Variants in FAN1 observed in about 807,000 individuals in gnomAD.
FAN1 encodes FANCD2 and FANCI associated nuclease 1, also known as fanconi-associated nuclease 1.
A neutral mutation model predicts 104.9 loss-of-function variants in FAN1; 91 were observed. The ratio of observed to expected loss-of-function variants is 0.87; its 90% CI spans 0.73 to 1.03. The LOEUF is 1.03. FAN1 is among the 50% of genes least tolerant of loss of function. The pLI is 0.00. For synonymous variants in FAN1, 478 were observed against 457.6 expected (o/e 1.04, Z -0.57); for missense variants, 1,263 against 1,239.9 (o/e 1.02, Z -0.28).
At chr15:30,931,368 G>A (rs1368812332) in intron 13 of FAN1, among the ~76,000 whole-genome samples, 4 of 152,158 alleles carry the variant, frequency 2.6e-5, no homozygotes, top group Non-Finnish European at 5.9e-5. Context: ...TTTCATCCCA[G>A]TCTATGGCTT....
chr15:30,916,351 G>A (rs1406422912), intron 5 of FAN1, among the ~76,000 whole-genome samples: 1 of 152,066 alleles, frequency 6.6e-6, no homozygotes. Context: ...GGGTGCATGG[G>A]AAGTGCTTAA....
chr15:30,940,480 G>A (rs775898041), intron 14 of FAN1: 35 of 985,270 alleles, frequency 3.6e-5, no homozygotes, highest in South Asian at 9.4e-5. Context: ...TGCCCAACTC[G>A]TAACCTCATT....
chr15:30,940,505 G>T (rs147933228), intron 14 of FAN1: 1 of 985,418 alleles, frequency 1.0e-6, no homozygotes, highest in African/African-American at 1.7e-5. Context: ...ATTTCCAGGG[G>T]GAAGTGCCAG....
chr15:30,940,076 T>C (rs1379251099), intron 14 of FAN1: 1 of 982,852 alleles, frequency 1.0e-6, no homozygotes, highest in Non-Finnish European at 1.2e-6. Context: ...GAAAAGGAAA[T>C]AAGCTAACTA....
In FAN1 at chr15:30,913,284, G is replaced by T. The variant is rs59646973; in HGVS notation, c.1578-574G>T. Reference sequence around the variant, plus strand: ...ATCTATTGCCTGATGATATGAAGTGGAACAGTTTCATCCCGAAACACCTCC... The same window carrying T: ...ATCTATTGCCTGATGATATGAAGTGTAACAGTTTCATCCCGAAACACCTCC... On this transcript the variant is annotated intron_variant, in intron 4 of 14. Coordinates refer to ENST00000362065, the MANE Select transcript of FAN1 (RefSeq NM_014967.5). Among the ~76,000 whole-genome samples, 147 of 152,236 alleles carry T rather than the reference G, an allele frequency of 9.7e-4. 3 individuals are homozygous for T. The East Asian group carries it at 0.028, about 29-fold the overall frequency.
chr15:30,936,406 A>G (rs1256163597), intron 13 of FAN1, among the ~76,000 whole-genome samples: 2 of 107,932 alleles, frequency 1.9e-5, no homozygotes, highest in African/African-American at 1.1e-4. Flanking sequence ...TCATGGCAAG[A>G]AGGTTAGATT....
At position 30,922,222 on chromosome 15, in the gene FAN1, A is replaced by G. The variant is rs2062350847; in HGVS notation, c.2053-13A>G. The G allele has an allele frequency of 1.3e-6, 2 of 1,596,270 alleles. No individual in the cohort carries two copies. The highest frequency in any genetic ancestry group is 1.1e-5 in the South Asian group (1 of 88,252). On this transcript the variant is annotated splice_polypyrimidine_tract_variant and intron_variant, in intron 7 of 14. Transcript: ENST00000362065. Reference sequence around the variant, plus strand: ...GTGAATCTAATGAGGTTTCTTTGTTATTGTTGCAATAGGAAGCCGTCAGAG... The same window carrying G: ...GTGAATCTAATGAGGTTTCTTTGTTGTTGTTGCAATAGGAAGCCGTCAGAG...
intron 12 of FAN1, among the ~76,000 whole-genome samples, chr15:30,929,879 T>A (rs1325410544): frequency 2.2e-5 from 2 of 92,602 alleles, no homozygotes; most frequent in African/African-American, 4.7e-5. Flanking sequence ...ATAAAATATA[T>A]AATATATATC....
rs1410848371 is a variant in FAN1, at chr15:30,930,682, GC to G, written c.2916+12del. The stretch of plus-strand genomic sequence containing the variant: ...AGCCGTCACTTTAAGGTCAGTTGAG[GC>G]AGAATGGAAAGTCCTGTTGGTAACC... On this transcript the variant is annotated intron_variant, in intron 13 of 14. Coordinates refer to ENST00000362065, the MANE Select transcript of FAN1 (RefSeq NM_014967.5). 1 of 1,612,382 alleles carries G rather than the reference GC, an allele frequency of 6.2e-7. No homozygotes were observed.
intron 9 of FAN1, among the ~76,000 whole-genome samples, 185 bp from the exon 10 acceptor site, chr15:30,925,604 C>G (rs568778216): frequency 2.6e-5 from 4 of 152,358 alleles, no homozygotes; most frequent in Admixed American, 2.6e-4. Flanking sequence ...GGTTGAGGCT[C>G]TCCCAGGGCC....
At chr15:30,908,087 A>AT (rs771893997) in intron 2 of FAN1, 31 bp from the exon 3 acceptor site, 317 of 1,574,338 alleles carry the variant, frequency 2.0e-4, no homozygotes, top group Non-Finnish European at 2.6e-4. Flanking sequence ...AAATGCAGTG[A>AT]TTTTCAACAT....
At chr15:30,916,147 CCT>C (rs1468733883) in intron 5 of FAN1, among the ~76,000 whole-genome samples, 1 of 152,026 alleles carries the variant, frequency 6.6e-6, no homozygotes, top group East Asian at 1.9e-4. Flanking sequence ...TTATTCTTAC[CCT>C]GTTTTCAGTT....
At chr15:30,940,168 C>T (rs893931424) in intron 14 of FAN1, 9 of 985,230 alleles carry the variant, frequency 9.1e-6, no homozygotes, top group South Asian at 4.7e-5. Context: ...ATGTTTTAAG[C>T]GGGGAATGAG....
At chr15:30,905,939 T>G (rs1490464715) in intron 2 of FAN1, 42 bp downstream of exon 2, 1 of 1,558,012 alleles carries the variant, frequency 6.4e-7, no homozygotes, top group Admixed American at 1.7e-5. Context: ...TCATTCCCCT[T>G]TTGCTGCTCT....
intron 4 of FAN1, among the ~76,000 whole-genome samples, chr15:30,913,612 A>G (rs1234994296): frequency 6.6e-6 from 1 of 152,160 alleles, no homozygotes; most frequent in East Asian, 1.9e-4. Flanking sequence ...ACCCCAACCT[A>G]CTGTGCAGCC....
rs762981672 is a variant in FAN1 at position 30,908,278 on chromosome 15, A to G, written c.1375+20A>G. 2.6e-5 allele frequency: 40 copies of G among 1,553,402 alleles called. No individual in the cohort carries two copies. In the East Asian group the frequency reaches 9.1e-4, roughly 35 times the overall value. ...AGACAGGTATGACTAGTAGAAGGAG[A>G]TGTGAAATGAAAATATGATCTGAAG... On this transcript the variant is annotated intron_variant, in intron 3 of 14. Transcript: ENST00000362065.
chr15:30,942,264 C>T lies in FAN1; in HGVS notation c.*702C>T. ...AATTACACTTTTTTATGTGTTGACT[C>T]TACCTAGGCTGTTACTATCAGCCTG... On this transcript the variant is annotated 3_prime_UTR_variant, in exon 15 of 15. Coordinates refer to ENST00000362065, the MANE Select transcript of FAN1 (RefSeq NM_014967.5). The T allele has an allele frequency of 1.4e-6, 1 of 699,290 alleles. No individual in the cohort carries two copies. The highest frequency in any genetic ancestry group is 1.8e-5 in the African/African-American group (1 of 55,858). The allele number at this position is 699,290 out of a possible 1,614,324, so 43.3% of individuals were successfully genotyped here. A position where few individuals can be genotyped will look rare whatever the true frequency, so the allele number is the denominator to read the frequency against.
At chr15:30,911,280 G>T (rs1413086721) in intron 4 of FAN1, 12 of 986,996 alleles carry the variant, frequency 1.2e-5, no homozygotes, top group Non-Finnish European at 1.4e-5. Context: ...ACCTGTTTCA[G>T]TTGAAAATTA....
chr15:30,920,397 T>C (rs1159658179), intron 6 of FAN1, 148 bp from the exon 7 acceptor site: 1 of 609,416 alleles, frequency 1.6e-6, no homozygotes, highest in Non-Finnish European at 2.8e-6. Flanking sequence ...GAATGTAGGT[T>C]TGTGGTGTAG....
Sources: allele counts gnomAD v4.1 joint callset (sites outside exome capture counted in the v4.1 genomes callset), GRCh38; gene constraint gnomAD v4.1.1; transcripts MANE v1.5; gene names NCBI Gene and HGNC (gene_info 2026-07-23, HGNC 2026-07-21).